The following HDAC10 variants were observed in gnomAD, a reference collection of about 807,000 sequenced individuals.
HDAC10 encodes histone deacetylase 10, also known as polyamine deacetylase HDAC10.
A neutral mutation model predicts 82.3 loss-of-function variants in HDAC10; 90 were observed. The ratio of observed to expected loss-of-function variants is 1.09; its 90% CI spans 0.92 to 1.30. The LOEUF (loss-of-function observed/expected upper bound fraction) is 1.30. HDAC10 is among the 50% of genes most tolerant of loss of function. The probability of loss-of-function intolerance (pLI) is 0.00; values close to 1 mark genes in which losing one functional copy is unlikely to be tolerated. For missense variants in HDAC10, 934 were observed against 876.3 expected (o/e 1.07, Z -0.83); for synonymous variants, 456 against 391.7 (o/e 1.16, Z -1.94).
chr22:50,250,589 G>T, intron 2 of HDAC10, 66 bp from the exon 3 acceptor site: 1 of 1,398,758 alleles, frequency 7.1e-7, no homozygotes. Flanking sequence ...GGGAGGCGGG[G>T]ACCTGGGATT....
intron 2 of HDAC10, 76 bp from the exon 3 acceptor site, chr22:50,250,599 T>C: frequency 7.2e-7 from 1 of 1,387,136 alleles, no homozygotes; most frequent in South Asian, 1.2e-5. Context: ...GACCTGGGAT[T>C]CATGGTGGGA....
Position 50,249,274 on chromosome 22 carries a change from G to A in HDAC10, c.690+54C>T. ...CTTGAGGGTGAACTGTGGGGGAGGG[G>A]AGGGGCCCAGGGGGAGGGGGCTGGG... On this transcript the variant is annotated intron_variant, in intron 7 of 19. Transcript: ENST00000216271. This position sits in a 1 kb window ranked among gnomAD's most constrained non-coding sequence, Gnocchi z 4.4. 4 of 1,477,548 alleles carry A rather than the reference G, an allele frequency of 2.7e-6. No individual in the cohort carries two copies. The highest frequency in any genetic ancestry group is 3.7e-6 in the Non-Finnish European group (4 of 1,094,254). The allele number at this position is 1,477,548 out of a possible 1,614,324, so 91.5% of individuals were successfully genotyped here.
chr22:50,250,190 C>T (rs1409864224), intron 3 of HDAC10, 30 bp from the exon 4 acceptor site: 3 of 1,578,726 alleles, frequency 1.9e-6, no homozygotes, highest in Non-Finnish European at 2.6e-6. Context: ...GATGAGCCCC[C>T]TGCCTTCCCT....
At position 50,245,282 on chromosome 22, in the gene HDAC10, C is replaced by CGATGG; in HGVS notation, c.*220_*224dup. ...GACCGAGCGTGGGTTGCATGGGCCT[C>CGATGG]GATGGGACGGGCCGGGGCGCGATGG... is the stretch of plus-strand genomic sequence containing the variant. On this transcript the variant is annotated 3_prime_UTR_variant, in exon 20 of 20. Transcript: ENST00000216271. 1.7e-6 allele frequency: 1 copy of CGATGG among 601,316 alleles called. No individual in the cohort carries two copies. The highest frequency in any genetic ancestry group is 1.9e-5 in the African/African-American group (1 of 51,396). The allele number at this position is 601,316 out of a possible 1,614,324, so 37.2% of individuals were successfully genotyped here. A position where few individuals can be genotyped will look rare whatever the true frequency, so the allele number is the denominator to read the frequency against.
rs773443019 is a variant in HDAC10 at position 50,245,767 on chromosome 22, T to C, written c.1894A>G (p.Ser632Gly). The C allele has an allele frequency of 1.2e-6, 2 of 1,607,452 alleles. No individual in the cohort carries two copies. The highest frequency in any genetic ancestry group is 2.2e-5 in the South Asian group (2 of 90,082). Residue 632 changes from serine to glycine, a missense_variant, in exon 19 of 20, where the codon AGC (serine) becomes GGC (glycine). Ser to Gly is a moderately conservative substitution (Grantham distance 56, BLOSUM62 0). Transcript: ENST00000216271. Reference sequence around the variant, plus strand: ...GAGGCCACAGAGGAAGGGCCTAGGCTAGGAGGTGCCTCTCCATTCAGCACC... The same window carrying C: ...GAGGCCACAGAGGAAGGGCCTAGGCCAGGAGGTGCCTCTCCATTCAGCACC... ...ARVLNGEAPP[S>G]LGPSSVASPE... is the part of the protein sequence containing the mutation.
chr22:50,246,611 C>T, intron 16 of HDAC10, 68 bp downstream of exon 16: 2 of 1,487,614 alleles, frequency 1.3e-6, no homozygotes, highest in Non-Finnish European at 9.3e-7. Flanking sequence ...CCCTGGGGCC[C>T]AGGCACACGT....
At position 50,249,488 on chromosome 22, in the gene HDAC10, G is replaced by T. The variant is rs760606344; in HGVS notation, c.564-34C>A. 3 of 1,611,826 alleles carry T rather than the reference G, an allele frequency of 1.9e-6. No individual in the cohort carries two copies. Among genetic ancestry groups the T allele is most frequent in the Non-Finnish European group, 2.5e-6 (3 of 1,179,412 alleles). On this transcript the variant is annotated intron_variant, in intron 6 of 19. Transcript: ENST00000216271. The surrounding 1 kb of genome is among the most constrained non-coding windows in gnomAD (Gnocchi z 4.4). ...AGCCAGCCAGGGCCAGAGGTCAAAGGTCAGGACCCTCAACAGCTCTACAGC... is the reference window on the plus strand; with the variant it reads ...AGCCAGCCAGGGCCAGAGGTCAAAGTTCAGGACCCTCAACAGCTCTACAGC...
chr22:50,245,685 T>C lies in HDAC10; in HGVS notation c.1976A>G (p.Lys659Arg), dbSNP rs1244411874. ...YLRGQLEPQWKMLQCHPHLVA is the reference protein window; with the variant it reads ...YLRGQLEPQWRMLQCHPHLVA Reference sequence around the variant, plus strand: ...CGCAGTCAGCCTCACCTGCAACATCTTCCACTGAGGCTCCAGCTGCCCTCT... The same window carrying C: ...CGCAGTCAGCCTCACCTGCAACATCCTCCACTGAGGCTCCAGCTGCCCTCT... Residue 659 changes from lysine to arginine, a missense_variant, in exon 19 of 20, where the codon AAG (lysine) becomes AGG (arginine). Physicochemically the swap from Lys to Arg is conservative, Grantham distance 26. Coordinates refer to ENST00000216271, the MANE Select transcript of HDAC10 (RefSeq NM_032019.6). 1.2e-6 allele frequency: 2 copies of C among 1,613,090 alleles called. No individual in the cohort carries two copies. Among genetic ancestry groups the C allele is most frequent in the South Asian group, 2.2e-5 (2 of 91,076 alleles).
rs779632799 is a variant in HDAC10, at chr22:50,248,822, G to C, written c.816+9C>G. Reference sequence around the variant, plus strand: ...CCAGAAGCCCTCCCTGGCAAGGCAAGGCCCTCACCTCAGGGTCCCCGATGG... The same window carrying C: ...CCAGAAGCCCTCCCTGGCAAGGCAACGCCCTCACCTCAGGGTCCCCGATGG... On this transcript the variant is annotated intron_variant, in intron 9 of 19. Coordinates refer to ENST00000216271, the MANE Select transcript of HDAC10 (RefSeq NM_032019.6). The surrounding 1 kb of genome is among the most constrained non-coding windows in gnomAD (Gnocchi z 5.4). The C allele has an allele frequency of 6.2e-7, 1 of 1,609,994 alleles. No individual in the cohort carries two copies. Among genetic ancestry groups the C allele is most frequent in the Non-Finnish European group, 8.5e-7 (1 of 1,178,682 alleles).
chr22:50,250,103 C>T lies in HDAC10; in HGVS notation c.349G>A (p.Val117Met), dbSNP rs199906150. 3.7e-6 allele frequency: 6 copies of T among 1,612,736 alleles called. No homozygotes were observed. The East Asian group carries it at 6.7e-5, about 18-fold the overall frequency. The change falls in exon 4 of 20, where the codon GTG becomes ATG. Residue 117 changes from valine (V) to methionine (M), a missense_variant. Val to Met is a conservative substitution (Grantham distance 21, BLOSUM62 1). Transcript: ENST00000216271. The stretch of plus-strand genomic sequence containing the variant: ...CCATTTTGCACAGCTCCAGTGAGCA[C>T]AGCGTCCACCAGCTGCAGTCCAGCC... ...AGAGLQLVDAVLTGAVQNGLA... is the reference protein window; with the variant it reads ...AGAGLQLVDAMLTGAVQNGLA...
In HDAC10 at chr22:50,251,206, C is replaced by A. The variant is rs1601634472; in HGVS notation, c.-174G>T. ...ACAGAACCTAGGCAGGCTCCGGGAT[C>A]CCAGGCGCGCAGAAGGCACGGAGCG... On this transcript the variant is annotated 5_prime_UTR_variant, in exon 1 of 20. Transcript: ENST00000216271. 1.5e-5 allele frequency: 9 copies of A among 610,436 alleles called. No individual in the cohort carries two copies. In the East Asian group the frequency reaches 2.7e-4, roughly 19 times the overall value. 37.8% of individuals were successfully genotyped at this position (610,436 alleles called of 1,614,324 possible). A position where few individuals can be genotyped will look rare whatever the true frequency, so the allele number is the denominator to read the frequency against.
chr22:50,248,527 C>A lies in HDAC10; in HGVS notation c.907-55G>T. On this transcript the variant is annotated intron_variant, in intron 10 of 19. Coordinates refer to ENST00000216271, the MANE Select transcript of HDAC10 (RefSeq NM_032019.6). This position sits in a 1 kb window ranked among gnomAD's most constrained non-coding sequence, Gnocchi z 5.4. Reference sequence around the variant, plus strand: ...CAGAGATATCACTGGGATGGGATGTCACCGGGAGAGCCCCTGCCTGGCTCT... The same window carrying A: ...CAGAGATATCACTGGGATGGGATGTAACCGGGAGAGCCCCTGCCTGGCTCT... 12 of 1,545,964 alleles carry A rather than the reference C, an allele frequency of 7.8e-6. No individual in the cohort carries two copies. The highest frequency in any genetic ancestry group is 1.7e-4 in the Middle Eastern group (1 of 5,916).
Position 50,248,570 on chromosome 22 carries a change from C to G in HDAC10, c.906+92G>C. On this transcript the variant is annotated intron_variant, in intron 10 of 19. Transcript: ENST00000216271. The surrounding 1 kb of genome is among the most constrained non-coding windows in gnomAD (Gnocchi z 5.4). ...CTGGCTCTATCCCGGGCAGGACGCC[C>G]CTCCCAAATACCCCGTGGGCACCTG... The G allele has an allele frequency of 6.8e-7, 1 of 1,479,288 alleles. No homozygotes were observed. The highest frequency in any genetic ancestry group is 2.1e-5 in the Admixed American group (1 of 48,544). 91.6% of individuals were successfully genotyped at this position (1,479,288 alleles called of 1,614,324 possible).
rs1239877742 is a variant in HDAC10 at position 50,249,364 on chromosome 22, C to A, written c.654G>T (p.Gln218His). 1 of 1,612,396 alleles carries A rather than the reference C, an allele frequency of 6.2e-7. No homozygotes were observed. ...GCAGGTTGACAGTGAAGCCGAGGCC[C>A]TGTCCCCGCCCCACTGCGTCTGCAT... is the stretch of plus-strand genomic sequence containing the variant. ...ESDADAVGRG[Q>H]GLGFTVNLPW... Residue 218 changes from glutamine to histidine, a missense_variant, in exon 7 of 20, where the codon CAG becomes CAT. Coordinates refer to ENST00000216271, the MANE Select transcript of HDAC10 (RefSeq NM_032019.6). This position sits in a 1 kb window ranked among gnomAD's most constrained non-coding sequence, Gnocchi z 4.4.
intron 16 of HDAC10, 26 bp from the exon 17 acceptor site, chr22:50,246,402 T>TAA (rs750093494): frequency 4.4e-6 from 7 of 1,590,058 alleles, no homozygotes; most frequent in Non-Finnish European, 6.0e-6. Flanking sequence ...TGCATAAGTG[T>TAA]AAGGCCCTGC....
Position 50,248,913 on chromosome 22 carries a change from G to GA in HDAC10, c.757-24dup. On this transcript the variant is annotated intron_variant, in intron 8 of 19. Transcript: ENST00000216271. The surrounding 1 kb of genome is among the most constrained non-coding windows in gnomAD (Gnocchi z 5.4). Reference sequence around the variant, plus strand: ...AAACTACAGGCCAGGCCGGAGTGGGGAGGGTCGACAGAGAGGGGCTGGAGC... The same window carrying GA: ...AAACTACAGGCCAGGCCGGAGTGGGGAAGGGTCGACAGAGAGGGGCTGGAGC... 1 of 1,606,878 alleles carries GA rather than the reference G, an allele frequency of 6.2e-7. No homozygotes were observed. Among genetic ancestry groups the GA allele is most frequent in the Non-Finnish European group, 8.5e-7 (1 of 1,177,294 alleles).
At chr22:50,250,706 G>A in intron 2 of HDAC10, 65 bp downstream of exon 2, 2 of 1,474,152 alleles carry the variant, frequency 1.4e-6, no homozygotes, top group Non-Finnish European at 1.8e-6. Flanking sequence ...GTAGGCCCAG[G>A]TTCTTAGGTT....
At chr22:50,250,742 C>A in intron 2 of HDAC10, 29 bp downstream of exon 2, 1 of 1,543,818 alleles carries the variant, frequency 6.5e-7, no homozygotes, top group South Asian at 1.2e-5. Context: ...CGCCCCGCCC[C>A]CCATCGTGGG....
At chr22:50,250,185 G>GCC in intron 3 of HDAC10, 25 bp from the exon 4 acceptor site, 1 of 1,593,800 alleles carries the variant, frequency 6.3e-7, no homozygotes. Flanking sequence ...GCGCAGATGA[G>GCC]CCCCCTGCCT....
Sources: allele counts gnomAD v4.1 joint callset, GRCh38; gene constraint gnomAD v4.1.1; non-coding constraint Gnocchi (gnomAD v3.1); transcripts MANE v1.5; gene names NCBI Gene and HGNC (gene_info 2026-07-23, HGNC 2026-07-21).